Variants in PRDM2 observed in about 807,000 individuals in gnomAD.
PRDM2 encodes PR/SET domain 2.
Under a neutral mutation model 130.0 loss-of-function variants are expected in PRDM2, and 30 were observed. That is an observed-to-expected ratio of 0.23 (90% CI 0.17 to 0.31). The LOEUF (loss-of-function observed/expected upper bound fraction) is 0.31. PRDM2 is among the 10% of genes least tolerant of loss of function. The pLI, the probability that PRDM2 is intolerant of heterozygous loss-of-function variation, is 1.00. For missense variants in PRDM2, 2,011 were observed against 2,108.4 expected (o/e 0.95, Z 0.90); for synonymous variants, 871 against 782.4 (o/e 1.11, Z -1.89).
rs547074602 is a variant in PRDM2, at chr1:13,745,922, G to A, written c.385-3439G>A. ...AAAAGACCGTGCTGGGGACTGGATC[G>A]TAGGTGGGTATGAGTGGATGTACTG... On this transcript the variant is annotated intron_variant, in intron 5 of 9. Transcript: ENST00000311066. Among the ~76,000 whole-genome samples the A allele has an allele frequency of 3.5e-4, 53 of 152,250 alleles. No homozygotes were observed. In the South Asian group the frequency reaches 8.7e-3, roughly 25 times the overall value.
chr1:13,722,588 A>G (rs1298141038), intron 2 of PRDM2, among the ~76,000 whole-genome samples: 3 of 151,956 alleles, frequency 2.0e-5, no homozygotes. Context: ...GTTGCTTTGG[A>G]TGAAGATAGT....
Position 13,771,014 on chromosome 1 carries a change from G to T in PRDM2, c.512-2064G>T, listed in dbSNP as rs1314070033. Among the ~76,000 whole-genome samples the T allele has an allele frequency of 6.6e-6, 1 of 152,170 alleles. No individual in the cohort carries two copies. Among genetic ancestry groups the T allele is most frequent in the Non-Finnish European group, 1.5e-5 (1 of 68,034 alleles). On this transcript the variant is annotated intron_variant, in intron 6 of 9. Transcript: ENST00000311066. The surrounding 1 kb of genome is among the most constrained non-coding windows in gnomAD (Gnocchi z 4.1). ...TGAGCATCACACACAGGCAGAACTAGCTTATGTCATAAGCATAAGAAAACT... is the reference window on the plus strand; with the variant it reads ...TGAGCATCACACACAGGCAGAACTATCTTATGTCATAAGCATAAGAAAACT...
intron 8 of PRDM2, among the ~76,000 whole-genome samples, chr1:13,785,482 C>G (rs1644715122): frequency 6.6e-6 from 1 of 152,146 alleles, no homozygotes; most frequent in Non-Finnish European, 1.5e-5. Flanking sequence ...TTGCAATCAG[C>G]CATATGATTT....
intron 8 of PRDM2, among the ~76,000 whole-genome samples, chr1:13,785,427 C>T (rs962974879): frequency 6.6e-6 from 1 of 152,176 alleles, no homozygotes; most frequent in Non-Finnish European, 1.5e-5. Context: ...AGATATTTTA[C>T]ATGTGAATGC....
chr1:13,717,369 C>T (rs1642575112), intron 2 of PRDM2: 2 of 980,876 alleles, frequency 2.0e-6, no homozygotes, highest in Non-Finnish European at 2.4e-6. Flanking sequence ...GAGCTCGGTT[C>T]TCTGCAGTCT....
At chr1:13,734,436 C>T (rs957917273) in intron 4 of PRDM2, among the ~76,000 whole-genome samples, 4 of 152,192 alleles carry the variant, frequency 2.6e-5, no homozygotes, top group Non-Finnish European at 4.4e-5. Context: ...TAATCTTGAA[C>T]AAATGCCATC....
At chr1:13,748,762 A>G (rs1406278034) in intron 5 of PRDM2, among the ~76,000 whole-genome samples, 1 of 152,186 alleles carries the variant, frequency 6.6e-6, no homozygotes, top group Non-Finnish European at 1.5e-5. Context: ...AAAATGTGGA[A>G]GTTTGATGTC....
chr1:13,724,420 CTT>C (rs796853149), intron 2 of PRDM2, among the ~76,000 whole-genome samples: 8 of 151,946 alleles, frequency 5.3e-5, no homozygotes, highest in African/African-American at 1.9e-4. Context: ...TTGTCCCTAA[CTT>C]TGCATACTTG....
Position 13,771,464 on chromosome 1 carries a change from G to T in PRDM2, c.512-1614G>T. Among the ~76,000 whole-genome samples the T allele has an allele frequency of 6.6e-6, 1 of 152,226 alleles. No homozygotes were observed. The highest frequency in any genetic ancestry group is 1.9e-4 in the East Asian group (1 of 5,208). On this transcript the variant is annotated intron_variant, in intron 6 of 9. Coordinates refer to ENST00000311066, the MANE Select transcript of PRDM2 (RefSeq NM_001393986.1). The surrounding 1 kb of genome is among the most constrained non-coding windows in gnomAD (Gnocchi z 4.1). ...TTAGGTATGTAGGCCGGGCACGGTG[G>T]CTCATGCCTGTAATCCCAGCACTCT...
At position 13,778,386 on chromosome 1, in the gene PRDM2, C is replaced by T. The variant is rs145726775; in HGVS notation, c.623-32C>T. 5.6e-5 allele frequency: 87 copies of T among 1,548,384 alleles called. No individual in the cohort carries two copies. In the African/African-American group the frequency reaches 1.1e-3, roughly 19 times the overall value. On this transcript the variant is annotated intron_variant, in intron 7 of 9. Coordinates refer to ENST00000311066, the MANE Select transcript of PRDM2 (RefSeq NM_001393986.1). ...CAAGTAGCTGGTTTCCCATGCTTCACTTCCATGCTTCTGCTTCCATGTGCT... is the reference window on the plus strand; with the variant it reads ...CAAGTAGCTGGTTTCCCATGCTTCATTTCCATGCTTCTGCTTCCATGTGCT...
At position 13,779,209 on chromosome 1, in the gene PRDM2, G is replaced by A. The variant is rs752802529; in HGVS notation, c.1414G>A (p.Val472Ile). ...KASQDTINSS[V>I]VEENGEVKEL... ...TTCCCAAGACACAATAAATTCTTCT[G>A]TCGTAGAAGAGAATGGGGAAGTTAA... The change falls in exon 8 of 10, where the codon GTC becomes ATC. Residue 472 changes from valine (V) to isoleucine (I), a missense_variant. Val to Ile is a conservative substitution (Grantham distance 29). This residue lies in a region of PRDM2 where 1,288 missense variants were observed against 1,237.7 expected (regional missense o/e 1.04). Transcript: ENST00000311066. The surrounding 1 kb of genome is among the most constrained non-coding windows in gnomAD (Gnocchi z 4.9). 3.7e-6 allele frequency: 6 copies of A among 1,614,050 alleles called. No individual in the cohort carries two copies. Among genetic ancestry groups the A allele is most frequent in the South Asian group, 1.1e-5 (1 of 91,080 alleles).
At chr1:13,796,384 C>G (rs1644922711) in intron 8 of PRDM2, among the ~76,000 whole-genome samples, 1 of 152,220 alleles carries the variant, frequency 6.6e-6, no homozygotes, top group Admixed American at 6.5e-5. Context: ...CCTGAGAGAT[C>G]TCCCAAGGAC....
chr1:13,749,510 G>A (rs1323946260), intron 6 of PRDM2, 23 bp downstream of exon 6: 4 of 1,200,014 alleles, frequency 3.3e-6, no homozygotes, highest in Non-Finnish European at 4.3e-6. Flanking sequence ...CGGCCCGCCC[G>A]CCCGGCCCCG....
intron 5 of PRDM2, among the ~76,000 whole-genome samples, chr1:13,743,575 G>T (rs1422868241): frequency 6.6e-6 from 1 of 152,162 alleles, no homozygotes; most frequent in Non-Finnish European, 1.5e-5. Flanking sequence ...AATGTCATAG[G>T]TTGGAGAATA....
chr1:13,721,443 AT>A (rs1642726662), intron 2 of PRDM2, among the ~76,000 whole-genome samples: 1 of 151,774 alleles, frequency 6.6e-6, no homozygotes, highest in Non-Finnish European at 1.5e-5. Context: ...TATGAATCTG[AT>A]TTTTTCACTT....
At chr1:13,759,924 A>G (rs995736469) in intron 6 of PRDM2, among the ~76,000 whole-genome samples, 8 of 152,206 alleles carry the variant, frequency 5.3e-5, no homozygotes, top group African/African-American at 1.9e-4. Context: ...GGGGTTTAAG[A>G]TTCCAAATCT....
At chr1:13,817,474 G>A (rs1006382323) in intron 9 of PRDM2, among the ~76,000 whole-genome samples, 1 of 151,892 alleles carries the variant, frequency 6.6e-6, no homozygotes, top group Non-Finnish European at 1.5e-5. Flanking sequence ...GGATTCTGCT[G>A]GTGACCCACG....
chr1:13,785,804 C>T (rs1489318863), intron 8 of PRDM2, among the ~76,000 whole-genome samples: 1 of 149,582 alleles, frequency 6.7e-6, no homozygotes, highest in East Asian at 2.0e-4. Flanking sequence ...TCATCTTTCA[C>T]CTTTGTAAAC....
chr1:13,818,442 G>A (rs1268732335), intron 9 of PRDM2, among the ~76,000 whole-genome samples: 1 of 146,044 alleles, frequency 6.8e-6, no homozygotes, highest in Non-Finnish European at 1.5e-5. Flanking sequence ...GCAGTGGCGC[G>A]ATCTTGACTC....
Sources: allele counts gnomAD v4.1 joint callset (sites outside exome capture counted in the v4.1 genomes callset), GRCh38; gene constraint gnomAD v4.1.1; regional missense constraint gnomAD v4.1.1; non-coding constraint Gnocchi (gnomAD v3.1); transcripts MANE v1.5; gene names NCBI Gene and HGNC (gene_info 2026-07-23, HGNC 2026-07-21).